The following GSE1 variants were observed in gnomAD, a reference collection of about 807,000 sequenced individuals.
The protein encoded by GSE1 is genetic suppressor element 1.
GSE1 carries 32 observed loss-of-function variants against 112.6 expected under a neutral mutation model. The ratio of observed to expected loss-of-function variants is 0.28; its 90% CI spans 0.21 to 0.38. The LOEUF is 0.38. Among genes scored for constraint, GSE1 ranks in the 10% least tolerant of loss-of-function variants. The pLI, the probability that GSE1 is intolerant of heterozygous loss-of-function variation, is 1.00. For synonymous variants in GSE1, 1,115 were observed against 735.6 expected, an observed-to-expected ratio of 1.52 and a Z score of -8.35; for missense variants, 2,348 against 1,699.2, an observed-to-expected ratio of 1.38 and a Z score of -6.71.
At chr16:85,513,945 C>T (rs2051832460) in intron 2 of GSE1, among the ~76,000 whole-genome samples, 4 of 152,134 alleles carry the variant, frequency 2.6e-5, no homozygotes, top group Admixed American at 1.3e-4. Flanking sequence ...CATTTCTGCT[C>T]CCAGGTGGTA....
chr16:85,410,367 C>T (rs1219353214), intron 2 of GSE1, among the ~76,000 whole-genome samples: 1 of 59,800 alleles, frequency 1.7e-5, no homozygotes, highest in East Asian at 5.2e-4. Context: ...TCAGGGCCCC[C>T]CGGATAATCC....
intron 1 of GSE1, among the ~76,000 whole-genome samples, chr16:85,216,598 G>C (rs1367288991): frequency 6.6e-6 from 1 of 152,188 alleles, no homozygotes; most frequent in Non-Finnish European, 1.5e-5. Context: ...TACCCAGGAG[G>C]TTGGTACTTT....
At chr16:85,613,428 G>C (rs2048131850) in intron 1 of GSE1, 30 bp downstream of exon 1, 1 of 1,541,532 alleles carries the variant, frequency 6.5e-7, no homozygotes, top group Non-Finnish European at 8.8e-7. Context: ...CCGGGGACGG[G>C]GTCCTCCCCC....
chr16:85,638,277 C>G (rs1464814647), intron 2 of GSE1, among the ~76,000 whole-genome samples: 1 of 152,156 alleles, frequency 6.6e-6, no homozygotes, highest in Non-Finnish European at 1.5e-5. Flanking sequence ...AAGAGGAGGC[C>G]CTCGCTGGGA....
At chr16:85,171,316 G>C in exon 1 of GSE1, 1 of 985,526 alleles carries the variant, frequency 1.0e-6, no homozygotes, top group Non-Finnish European at 1.2e-6. Flanking sequence ...CATCTGTGGG[G>C]CTGAGCTGGG....
At chr16:85,589,284 C>T (rs535038386) in intron 1 of GSE1, among the ~76,000 whole-genome samples, 2 of 152,278 alleles carry the variant, frequency 1.3e-5, no homozygotes, top group East Asian at 3.9e-4. Flanking sequence ...TTGTGGGTGG[C>T]TTCTAGGTCG....
chr16:85,564,498 T>A (rs969353921), intron 1 of GSE1, among the ~76,000 whole-genome samples: 7 of 151,980 alleles, frequency 4.6e-5, no homozygotes, highest in Admixed American at 6.6e-5. Context: ...TGGTTTGAGA[T>A]GGGGGTGAAG....
intron 1 of GSE1, among the ~76,000 whole-genome samples, chr16:85,173,979 CAG>C (rs1383568770): frequency 6.6e-6 from 1 of 152,204 alleles, no homozygotes; most frequent in Non-Finnish European, 1.5e-5. Flanking sequence ...AACCAAGACT[CAG>C]AGAAGTCAGA....
At chr16:85,519,271 A>G (rs1234504770) in intron 2 of GSE1, among the ~76,000 whole-genome samples, 20 of 134,726 alleles carry the variant, frequency 1.5e-4, no homozygotes, top group African/African-American at 4.0e-4. Flanking sequence ...CATCACTATC[A>G]TCATCACCAT....
intron 11 of GSE1, among the ~76,000 whole-genome samples, chr16:85,663,942 C>A (rs2052632895): frequency 6.6e-6 from 1 of 152,260 alleles, no homozygotes; most frequent in African/African-American, 2.4e-5. Context: ...GCCAGGTGTT[C>A]CAGGTTTGTC....
intron 1 of GSE1, among the ~76,000 whole-genome samples, chr16:85,324,065 G>A (rs576827109): frequency 6.6e-5 from 10 of 152,332 alleles, no homozygotes; most frequent in Admixed American, 2.6e-4. Context: ...ACAAGTGTTG[G>A]CGAGGACGTG....
intron 1 of GSE1, among the ~76,000 whole-genome samples, chr16:85,260,365 C>T (rs1480231147): frequency 1.5e-5 from 2 of 131,800 alleles, no homozygotes; most frequent in African/African-American, 6.2e-5. Flanking sequence ...GTTCTGTTGC[C>T]CAGGCTGGAG....
chr16:85,654,568 T>C (rs1437006242), intron 4 of GSE1, 118 bp downstream of exon 4: 3 of 929,196 alleles, frequency 3.2e-6, no homozygotes, highest in Non-Finnish European at 3.3e-6. Context: ...TAGATGGTTG[T>C]CGGCCGCTGA....
intron 1 of GSE1, among the ~76,000 whole-genome samples, chr16:85,282,031 CTTT>C (rs747822787): frequency 2.8e-5 from 4 of 142,758 alleles, no homozygotes; most frequent in Admixed American, 7.0e-5. Flanking sequence ...GTTTTCTTTT[CTTT>C]TTTTTTTTTT....
chr16:85,404,614 G>A (rs145043338), intron 2 of GSE1, among the ~76,000 whole-genome samples: 3,368 of 43,298 alleles, frequency 0.078, 651 homozygotes, highest in East Asian at 0.15. Flanking sequence ...AATCCTCACC[G>A]TTACACTCAG....
intron 2 of GSE1, among the ~76,000 whole-genome samples, chr16:85,488,129 G>A (rs977757916): frequency 3.3e-5 from 5 of 152,164 alleles, no homozygotes; most frequent in African/African-American, 9.7e-5. Flanking sequence ...GGAAGGAAGC[G>A]GAGGAAAACC....
intron 2 of GSE1, among the ~76,000 whole-genome samples, chr16:85,509,958 C>A (rs1401961473): frequency 6.6e-6 from 1 of 152,204 alleles, no homozygotes; most frequent in African/African-American, 2.4e-5. Context: ...TTCAATTTAG[C>A]ACAAATTTTT....
Position 85,652,748 on chromosome 16 carries a change from C to A in GSE1, c.427-1530C>A, listed in dbSNP as rs533485193. Among the ~76,000 whole-genome samples, 17 of 151,984 alleles carry A rather than the reference C, an allele frequency of 1.1e-4. No homozygotes were observed. In the East Asian group the frequency reaches 2.7e-3, roughly 24 times the overall value. ...CGGGTCAGGGACACAGGCACGGCCC[C>A]TGGGAGACAGATGCTTCTCCACGGT... is the stretch of plus-strand genomic sequence containing the variant. On this transcript the variant is annotated intron_variant, in intron 3 of 15. Coordinates refer to ENST00000253458, the MANE Select transcript of GSE1 (RefSeq NM_014615.5).
intron 1 of GSE1, among the ~76,000 whole-genome samples, chr16:85,568,104 C>T (rs1309019993): frequency 6.6e-6 from 1 of 152,210 alleles, no homozygotes; most frequent in African/African-American, 2.4e-5. Context: ...TGTTTCCTCT[C>T]TGGAAAATGT....
Sources: allele counts gnomAD v4.1 joint callset (sites outside exome capture counted in the v4.1 genomes callset), GRCh38; gene constraint gnomAD v4.1.1; transcripts MANE v1.5; gene names NCBI Gene and HGNC (gene_info 2026-07-23, HGNC 2026-07-21).